Variants in XRCC6 observed in about 807,000 individuals in gnomAD.
The protein encoded by XRCC6 is DNA repair protein Ku70.
XRCC6 carries 5 observed loss-of-function variants against 65.7 expected under a neutral mutation model. The ratio of observed to expected loss-of-function variants is 0.08; its 90% CI spans 0.04 to 0.16. XRCC6 has a LOEUF of 0.16. Among genes scored for constraint, XRCC6 ranks in the 10% least tolerant of loss-of-function variants. XRCC6 has a pLI of 1.00. For synonymous variants in XRCC6, 270 were observed against 270.6 expected, an observed-to-expected ratio of 1.00 and a Z score of 0.02; for missense variants, 447 against 738.1, an observed-to-expected ratio of 0.61 and a Z score of 4.57.
intron 7 of XRCC6, among the ~76,000 whole-genome samples, chr22:41,649,142 ATAT>A (rs1569093131): frequency 8.1e-5 from 10 of 122,934 alleles, no homozygotes; most frequent in South Asian, 2.6e-4. Flanking sequence ...AAAAAAAAAT[ATAT>A]ATATATATAT....
At chr22:41,661,581 TAAC>T (rs1450286406) in intron 12 of XRCC6, 137 bp downstream of exon 12, 1 of 713,582 alleles carries the variant, frequency 1.4e-6, no homozygotes, top group African/African-American at 1.8e-5. Flanking sequence ...AAACAGACAA[TAAC>T]AAATGCTGGC....
chr22:41,635,708 G>T (rs200191293), intron 3 of XRCC6, among the ~76,000 whole-genome samples: 2 of 149,408 alleles, frequency 1.3e-5, no homozygotes, highest in Non-Finnish European at 3.0e-5. Context: ...TAATTTTTTT[G>T]TTTTTTTTTG....
rs1601521697 is a variant in XRCC6 at position 41,622,200 on chromosome 22, T to C, written c.82+114T>C. 4 of 1,103,338 alleles carry C rather than the reference T, an allele frequency of 3.6e-6. No homozygotes were observed. In the East Asian group the frequency reaches 1.0e-4, roughly 28 times the overall value. 68.3% of individuals were successfully genotyped at this position (1,103,338 alleles called of 1,614,324 possible). Reference sequence around the variant, plus strand: ...GGCCTGCCCTTCTCCTCCCAGATAATTCTGAAATTCTTTTCTTCCTTTGAA... The same window carrying C: ...GGCCTGCCCTTCTCCTCCCAGATAACTCTGAAATTCTTTTCTTCCTTTGAA... On this transcript the variant is annotated intron_variant, in intron 2 of 12. Transcript: ENST00000360079.
chr22:41,628,387 G>A (rs1351060624), intron 3 of XRCC6, 157 bp downstream of exon 3: 14 of 534,356 alleles, frequency 2.6e-5, no homozygotes, highest in Non-Finnish European at 3.3e-5. Context: ...GAGAAACCCC[G>A]TCTCTACAAA....
chr22:41,621,711 C>G, intron 1 of XRCC6: 1 of 433,292 alleles, frequency 2.3e-6, no homozygotes, highest in Non-Finnish European at 4.2e-6. Flanking sequence ...GAATCCCTCA[C>G]CGTCTAAATG....
chr22:41,660,841 A>G (rs1411804061), intron 11 of XRCC6, among the ~76,000 whole-genome samples: 1 of 152,124 alleles, frequency 6.6e-6, no homozygotes, highest in East Asian at 1.9e-4. Flanking sequence ...CCCAGAATCT[A>G]GCTTAGTATC....
intron 3 of XRCC6, 69 bp from the exon 4 acceptor site, chr22:41,636,044 A>G: frequency 7.1e-7 from 1 of 1,408,784 alleles, no homozygotes; most frequent in Non-Finnish European, 9.5e-7. Flanking sequence ...TGAGCAACTA[A>G]TAGGTACTGA....
At chr22:41,621,497 A>G (rs2067603451) in intron 1 of XRCC6, 152 bp downstream of exon 1, 1 of 167,452 alleles carries the variant, frequency 6.0e-6, no homozygotes, top group Non-Finnish European at 1.3e-5. Context: ...CAGACTCGAG[A>G]CCACGCTCCT....
intron 11 of XRCC6, among the ~76,000 whole-genome samples, chr22:41,660,680 T>G: frequency 6.6e-6 from 1 of 152,156 alleles, no homozygotes; most frequent in Non-Finnish European, 1.5e-5. Context: ...TGCCTTCTGC[T>G]TCTTATCTTT....
chr22:41,632,601 AC>A, intron 3 of XRCC6, among the ~76,000 whole-genome samples: 1 of 151,598 alleles, frequency 6.6e-6, no homozygotes, highest in Non-Finnish European at 1.5e-5. Context: ...ACAGAGAGAG[AC>A]TCCATCTCAA....
chr22:41,627,644 G>A (rs890369585), intron 2 of XRCC6, among the ~76,000 whole-genome samples: 3 of 151,828 alleles, frequency 2.0e-5, no homozygotes, highest in Non-Finnish European at 2.9e-5. Flanking sequence ...AGGCCTGGTG[G>A]GGAGGATTGC....
intron 2 of XRCC6, among the ~76,000 whole-genome samples, chr22:41,623,008 ACT>A (rs914679368): frequency 6.6e-6 from 1 of 151,890 alleles, no homozygotes; most frequent in African/African-American, 2.4e-5. Flanking sequence ...ATAATCTACC[ACT>A]CTAACACAAC....
intron 3 of XRCC6, among the ~76,000 whole-genome samples, chr22:41,629,271 C>G (rs1028702403): frequency 1.3e-5 from 2 of 152,144 alleles, no homozygotes; most frequent in Non-Finnish European, 2.9e-5. Flanking sequence ...TTCAGTGACA[C>G]TTAACACATT....
intron 6 of XRCC6, 49 bp downstream of exon 6, chr22:41,637,840 G>C: frequency 6.4e-7 from 1 of 1,572,322 alleles, no homozygotes; most frequent in South Asian, 1.2e-5. Context: ...TAAATCAGAA[G>C]CAGGCTGGGC....
At chr22:41,630,191 C>T (rs2067724699) in intron 3 of XRCC6, among the ~76,000 whole-genome samples, 2 of 151,812 alleles carry the variant, frequency 1.3e-5, no homozygotes, top group South Asian at 4.1e-4. Flanking sequence ...ACCATATTGG[C>T]CAGGATGGTC....
Position 41,641,933 on chromosome 22 carries a change from G to A in XRCC6, c.773+4142G>A, listed in dbSNP as rs2067882188. On this transcript the variant is annotated intron_variant, in intron 6 of 12. Coordinates refer to ENST00000360079, the MANE Select transcript of XRCC6 (RefSeq NM_001469.5). ...GCCTCCCAAGTAGCTAGGATTACAGGCATGCACCACCACGCCCGACTAATT... is the reference window on the plus strand; with the variant it reads ...GCCTCCCAAGTAGCTAGGATTACAGACATGCACCACCACGCCCGACTAATT... Among the ~76,000 whole-genome samples, 5 of 152,136 alleles carry A rather than the reference G, an allele frequency of 3.3e-5. No individual in the cohort carries two copies. The South Asian group carries it at 1.0e-3, about 32-fold the overall frequency.
chr22:41,639,779 C>T (rs974287114), intron 6 of XRCC6, among the ~76,000 whole-genome samples: 1 of 150,072 alleles, frequency 6.7e-6, no homozygotes, highest in East Asian at 2.0e-4. Context: ...TCTCCTGCCT[C>T]AGCCTCCTGA....
intron 10 of XRCC6, 132 bp from the exon 11 acceptor site, chr22:41,658,120 G>T: frequency 1.2e-6 from 1 of 806,008 alleles, no homozygotes; most frequent in East Asian, 2.7e-5. Context: ...TACTGCACCT[G>T]ACCTCAACTG....
intron 8 of XRCC6, among the ~76,000 whole-genome samples, chr22:41,651,263 A>C (rs1233459972): frequency 6.7e-6 from 1 of 149,406 alleles, no homozygotes; most frequent in Non-Finnish European, 1.5e-5. Flanking sequence ...ACACCACTGC[A>C]CTCCAGCCTG....
Sources: allele counts gnomAD v4.1 joint callset (sites outside exome capture counted in the v4.1 genomes callset), GRCh38; gene constraint gnomAD v4.1.1; transcripts MANE v1.5; gene names NCBI Gene and HGNC (gene_info 2026-07-23, HGNC 2026-07-21).